The following CNTNAP2 variants were observed in gnomAD, a reference collection of about 807,000 sequenced individuals.
CNTNAP2 encodes the protein contactin-associated protein-like 2.
Under a neutral mutation model 155.2 loss-of-function variants are expected in CNTNAP2, and 98 were observed. The observed-to-expected ratio is 0.63, with a 90% CI of 0.54 to 0.75. The LOEUF is 0.75. Among genes scored for constraint, CNTNAP2 ranks in the 30% least tolerant of loss-of-function variants. CNTNAP2 has a pLI of 0.00. For missense variants in CNTNAP2, 1,727 were observed against 1,688.1 expected (o/e 1.02, Z -0.40); for synonymous variants, 651 against 631.2 (o/e 1.03, Z -0.47).
intron 1 of CNTNAP2, among the ~76,000 whole-genome samples, chr7:146,541,457 A>G (rs1205708192): frequency 6.6e-6 from 1 of 152,018 alleles, no homozygotes; most frequent in East Asian, 1.9e-4. Flanking sequence ...ACATGACTCA[A>G]GAAAGTCCCC....
At chr7:147,603,537 G>A (rs569336450) in intron 12 of CNTNAP2, among the ~76,000 whole-genome samples, 1 of 152,260 alleles carries the variant, frequency 6.6e-6, no homozygotes, top group African/African-American at 2.4e-5. Context: ...CCTCTTCAAG[G>A]AGAACTACAA....
At chr7:146,360,348 G>A (rs992570862) in intron 1 of CNTNAP2, among the ~76,000 whole-genome samples, 8 of 152,150 alleles carry the variant, frequency 5.3e-5, no homozygotes, top group African/African-American at 1.9e-4. Flanking sequence ...TAATTGATTA[G>A]TTAACTAATT....
At chr7:146,502,760 C>T (rs140537401) in intron 1 of CNTNAP2, among the ~76,000 whole-genome samples, 94 of 152,142 alleles carry the variant, frequency 6.2e-4, no homozygotes, top group East Asian at 4.3e-3. Flanking sequence ...ATGCTGCAAG[C>T]GTGCACCAAC....
At position 147,448,482 on chromosome 7, in the gene CNTNAP2, G is replaced by GTATATATATATA. The variant is rs10635826; in HGVS notation, c.1671-37452_1671-37451insATATATATATAT. Among the ~76,000 whole-genome samples the GTATATATATATA allele has an allele frequency of 1.3e-3, 135 of 103,338 alleles. No homozygotes were observed. The East Asian group carries it at 0.038, about 29-fold the overall frequency. The allele number at this position is 103,338 out of a possible 152,430, so 67.8% of individuals were successfully genotyped here. On this transcript the variant is annotated intron_variant, in intron 10 of 23. Coordinates refer to ENST00000361727, the MANE Select transcript of CNTNAP2 (RefSeq NM_014141.6). ...AAAAACAAACCAAATATGTGTGTGT[G>GTATATATATATA]TGTATATATATATATATATATATGC... is the stretch of plus-strand genomic sequence containing the variant.
intron 20 of CNTNAP2, among the ~76,000 whole-genome samples, chr7:148,238,273 C>G (rs1317594204): frequency 6.6e-6 from 1 of 152,128 alleles, no homozygotes; most frequent in African/African-American, 2.4e-5. Context: ...CGCTTGAACC[C>G]GGGAGGCAGA....
chr7:146,944,044 A>G (rs977654403), intron 3 of CNTNAP2, among the ~76,000 whole-genome samples: 1 of 152,004 alleles, frequency 6.6e-6, no homozygotes, highest in Admixed American at 6.6e-5. Context: ...GGTACCATAT[A>G]TGGTCTGCGT....
intron 15 of CNTNAP2, among the ~76,000 whole-genome samples, chr7:148,073,868 C>G (rs1433878941): frequency 1.3e-5 from 2 of 151,744 alleles, no homozygotes; most frequent in Non-Finnish European, 2.9e-5. Flanking sequence ...AGATTTGAAA[C>G]CCATGTATAT....
chr7:148,402,401 C>T (rs1318029819), intron 22 of CNTNAP2, among the ~76,000 whole-genome samples: 1 of 152,154 alleles, frequency 6.6e-6, no homozygotes, highest in East Asian at 1.9e-4. Context: ...CCACATAATG[C>T]TCTGCCTACG....
At chr7:147,804,891 G>A (rs140219381) in intron 13 of CNTNAP2, among the ~76,000 whole-genome samples, 78 of 152,042 alleles carry the variant, frequency 5.1e-4, no homozygotes, top group African/African-American at 1.7e-3. Flanking sequence ...CCCACACCAA[G>A]CTATGTCCAC....
chr7:146,901,862 A>G (rs1199797903), intron 3 of CNTNAP2, among the ~76,000 whole-genome samples: 1 of 137,274 alleles, frequency 7.3e-6, no homozygotes, highest in Non-Finnish European at 1.6e-5. Context: ...TTTCTTGCAT[A>G]TATGCTCCTT....
intron 1 of CNTNAP2, among the ~76,000 whole-genome samples, chr7:146,555,096 T>C (rs1272600662): frequency 1.3e-5 from 2 of 152,190 alleles, no homozygotes; most frequent in Admixed American, 1.3e-4. Flanking sequence ...CAGCCTCCTC[T>C]ATTGCTCAGC....
intron 1 of CNTNAP2, among the ~76,000 whole-genome samples, chr7:146,637,080 G>A (rs1010882454): frequency 5.9e-5 from 9 of 152,120 alleles, no homozygotes; most frequent in African/African-American, 2.2e-4. Flanking sequence ...AACCTTGAGA[G>A]AAATAGTGGT....
At chr7:146,366,399 G>T (rs559446427) in intron 1 of CNTNAP2, among the ~76,000 whole-genome samples, 3 of 151,956 alleles carry the variant, frequency 2.0e-5, no homozygotes, top group Admixed American at 6.6e-5. Flanking sequence ...ATAAGTATAC[G>T]TTATTAAAAA....
chr7:146,426,067 T>C (rs1796082730), intron 1 of CNTNAP2, among the ~76,000 whole-genome samples: 1 of 149,526 alleles, frequency 6.7e-6, no homozygotes, highest in Non-Finnish European at 1.5e-5. Context: ...AAGCCTGTAA[T>C]ATGAGCTACG....
chr7:146,410,804 T>A, intron 1 of CNTNAP2, among the ~76,000 whole-genome samples: 1 of 152,168 alleles, frequency 6.6e-6, no homozygotes, highest in East Asian at 1.9e-4. Flanking sequence ...ACCACCATTC[T>A]AGCCTCTGCT....
At chr7:147,748,378 G>A (rs947452107) in intron 13 of CNTNAP2, among the ~76,000 whole-genome samples, 12 of 152,042 alleles carry the variant, frequency 7.9e-5, no homozygotes, top group African/African-American at 2.9e-4. Context: ...TGAAAAGTGT[G>A]CTGCATAGCA....
intron 4 of CNTNAP2, among the ~76,000 whole-genome samples, chr7:147,099,818 G>A (rs374006192): frequency 1.2e-4 from 18 of 151,992 alleles, no homozygotes; most frequent in Non-Finnish European, 2.4e-4. Flanking sequence ...TAGTCTTTTC[G>A]CCAGCAAAAA....
In CNTNAP2 at chr7:147,331,489, C is replaced by T. The variant is rs143980893; in HGVS notation, c.1498+31199C>T. Among the ~76,000 whole-genome samples the T allele has an allele frequency of 1.5e-3, 229 of 152,042 alleles. 3 individuals carry two copies. The highest frequency in any genetic ancestry group is 5.0e-3 in the African/African-American group (207 of 41,482). Reference sequence around the variant, plus strand: ...TTGGGAGCACCAATACAGCATTAGCCGTGGCAACAATAGTCAAAACTGTAC... The same window carrying T: ...TTGGGAGCACCAATACAGCATTAGCTGTGGCAACAATAGTCAAAACTGTAC... On this transcript the variant is annotated intron_variant, in intron 9 of 23. Transcript: ENST00000361727.
Position 146,423,935 on chromosome 7 carries a change from T to C in CNTNAP2, c.97+306962T>C, listed in dbSNP as rs909507740. ...TCAATTTCTGTGATGTCTCTGAGCT[T>C]TTTGTCATAGGCGTGCTGGAGAGAT... On this transcript the variant is annotated intron_variant, in intron 1 of 23. Coordinates refer to ENST00000361727, the MANE Select transcript of CNTNAP2 (RefSeq NM_014141.6). Among the ~76,000 whole-genome samples, 8 of 152,304 alleles carry C rather than the reference T, an allele frequency of 5.3e-5. No individual in the cohort carries two copies. The South Asian group carries it at 1.7e-3, about 32-fold the overall frequency.
Sources: gnomAD v4.1 joint callset for allele counts (sites outside exome capture counted in the v4.1 genomes callset) on GRCh38, gnomAD v4.1.1 for gene constraint, MANE v1.5 for transcripts, NCBI Gene and HGNC (gene_info 2026-07-23, HGNC 2026-07-21) for gene names.